Variants in ARHGAP15 observed in about 807,000 individuals in gnomAD.
ARHGAP15 encodes the protein Rho GTPase activating protein 15.
In ARHGAP15, 51 loss-of-function variants were observed where a neutral mutation model predicts 63.7. The ratio of observed to expected loss-of-function variants is 0.80; its 90% CI spans 0.64 to 1.01. The LOEUF is 1.01. Ranked by LOEUF, ARHGAP15 falls within the 50% of genes least tolerant of loss-of-function variation. ARHGAP15 has a pLI of 0.00. For synonymous variants in ARHGAP15, 191 were observed against 193.8 expected, an observed-to-expected ratio of 0.99 and a Z score of 0.12; for missense variants, 560 against 564.6, an observed-to-expected ratio of 0.99 and a Z score of 0.08.
At chr2:143,414,688 C>T (rs923458680) in intron 6 of ARHGAP15, among the ~76,000 whole-genome samples, 1 of 152,202 alleles carries the variant, frequency 6.6e-6, no homozygotes, top group Non-Finnish European at 1.5e-5. Flanking sequence ...AATCCCAACA[C>T]TTTGGATGGC....
intron 12 of ARHGAP15, among the ~76,000 whole-genome samples, chr2:143,678,356 T>C (rs1263715020): frequency 2.0e-5 from 3 of 152,312 alleles, no homozygotes; most frequent in Admixed American, 2.0e-4. Context: ...AAATAAATAC[T>C]AGCAAGTAGT....
At position 143,632,625 on chromosome 2, in the gene ARHGAP15, G is replaced by T. The variant is rs975516891; in HGVS notation, c.1138+8358G>T. ...GTAGAGATTATCCTGTGCCTAAACG[G>T]AACTCATATCCCTGTCTATACATCA... On this transcript the variant is annotated intron_variant, in intron 12 of 13. Transcript: ENST00000295095. Among the ~76,000 whole-genome samples, 7 of 152,172 alleles carry T rather than the reference G, an allele frequency of 4.6e-5. 1 individual carries two copies. In the South Asian group the frequency reaches 1.5e-3, roughly 32 times the overall value.
intron 4 of ARHGAP15, among the ~76,000 whole-genome samples, chr2:143,217,614 G>T (rs993696891): frequency 6.6e-6 from 1 of 152,136 alleles, no homozygotes; most frequent in Non-Finnish European, 1.5e-5. Context: ...TGGGCTTAGA[G>T]AATTGGGTTC....
intron 6 of ARHGAP15, among the ~76,000 whole-genome samples, chr2:143,408,315 A>C (rs933464000): frequency 4.6e-5 from 7 of 150,550 alleles, no homozygotes; most frequent in East Asian, 3.9e-4. Context: ...AAATCTATAA[A>C]ATTTTTATAT....
chr2:143,364,505 T>A (rs1686209617), intron 6 of ARHGAP15, among the ~76,000 whole-genome samples: 1 of 152,142 alleles, frequency 6.6e-6, no homozygotes, highest in Non-Finnish European at 1.5e-5. Flanking sequence ...ATGATACTTA[T>A]AATATGTGCT....
intron 1 of ARHGAP15, among the ~76,000 whole-genome samples, chr2:143,140,006 G>C (rs1689297302): frequency 1.3e-5 from 2 of 152,120 alleles, no homozygotes; most frequent in South Asian, 4.1e-4. Context: ...GAGGCACATA[G>C]TAAATCACTT....
chr2:143,624,396 C>A (rs556758377), intron 12 of ARHGAP15, 129 bp downstream of exon 12: 14 of 1,093,384 alleles, frequency 1.3e-5, no homozygotes, highest in Admixed American at 3.4e-5. Flanking sequence ...CCATATCTTA[C>A]GTTTTCGTTT....
intron 12 of ARHGAP15, among the ~76,000 whole-genome samples, chr2:143,658,777 T>C (rs887315865): frequency 1.3e-5 from 2 of 152,214 alleles, no homozygotes; most frequent in Non-Finnish European, 2.9e-5. Context: ...GAGGGCATTT[T>C]TCAGGAATCT....
At chr2:143,250,470 T>C (rs1297579188) in intron 5 of ARHGAP15, 41 bp from the exon 6 acceptor site, 1 of 1,434,714 alleles carries the variant, frequency 7.0e-7, no homozygotes, top group South Asian at 1.1e-5. Flanking sequence ...CTATCTACAG[T>C]GTTGCATCCT....
chr2:143,497,444 G>A (rs560675112), intron 9 of ARHGAP15, among the ~76,000 whole-genome samples: 1 of 152,132 alleles, frequency 6.6e-6, no homozygotes, highest in Non-Finnish European at 1.5e-5. Context: ...GTGTTCAAAA[G>A]AATCCCCTTT....
At chr2:143,610,076 A>T (rs1266842369) in intron 11 of ARHGAP15, among the ~76,000 whole-genome samples, 1 of 152,090 alleles carries the variant, frequency 6.6e-6, no homozygotes, top group Non-Finnish European at 1.5e-5. Context: ...CGAGTATACT[A>T]GTATAATGGG....
intron 12 of ARHGAP15, among the ~76,000 whole-genome samples, chr2:143,695,322 T>A (rs1209049331): frequency 1.3e-5 from 2 of 152,146 alleles, no homozygotes; most frequent in Non-Finnish European, 2.9e-5. Context: ...AGAAATGTAC[T>A]TGGCCACCAT....
chr2:143,288,497 T>C, intron 6 of ARHGAP15, among the ~76,000 whole-genome samples: 1 of 152,198 alleles, frequency 6.6e-6, no homozygotes, highest in Admixed American at 6.6e-5. Flanking sequence ...TCTTAAGGCT[T>C]TCTGAATAAC....
chr2:143,513,179 A>G (rs1693664121), intron 9 of ARHGAP15, among the ~76,000 whole-genome samples: 1 of 152,210 alleles, frequency 6.6e-6, no homozygotes, highest in Non-Finnish European at 1.5e-5. Flanking sequence ...CCCTCTAGCT[A>G]GTGAAATTCC....
chr2:143,302,786 C>G (rs1212158049), intron 6 of ARHGAP15, among the ~76,000 whole-genome samples: 3 of 151,938 alleles, frequency 2.0e-5, no homozygotes, highest in African/African-American at 7.2e-5. Flanking sequence ...AGAGAAAAGA[C>G]TCAATTGAAT....
chr2:143,300,095 G>C (rs1337240637), intron 6 of ARHGAP15, among the ~76,000 whole-genome samples: 1 of 151,948 alleles, frequency 6.6e-6, no homozygotes, highest in African/African-American at 2.4e-5. Flanking sequence ...AATGTGTATA[G>C]ACAAACTATA....
At chr2:143,165,089 G>A (rs551050796) in intron 2 of ARHGAP15, among the ~76,000 whole-genome samples, 17 of 152,062 alleles carry the variant, frequency 1.1e-4, no homozygotes, top group South Asian at 8.3e-4. Flanking sequence ...TATCCCTTAC[G>A]AGGTGATTTC....
intron 5 of ARHGAP15, among the ~76,000 whole-genome samples, chr2:143,229,549 G>A (rs1693357272): frequency 6.6e-6 from 1 of 152,144 alleles, no homozygotes; most frequent in Non-Finnish European, 1.5e-5. Context: ...GGAGACAGTG[G>A]GCAGGCAACA....
intron 3 of ARHGAP15, among the ~76,000 whole-genome samples, chr2:143,209,399 T>C (rs1421015078): frequency 6.6e-6 from 1 of 152,128 alleles, no homozygotes; most frequent in Non-Finnish European, 1.5e-5. Flanking sequence ...TTAATTCAAG[T>C]ATTTGTTGAG....
Sources: gnomAD v4.1 joint callset for allele counts (sites outside exome capture counted in the v4.1 genomes callset) on GRCh38, gnomAD v4.1.1 for gene constraint, MANE v1.5 for transcripts, NCBI Gene and HGNC (gene_info 2026-07-23, HGNC 2026-07-21) for gene names.